HAPLN1: variants seen among roughly 807,000 people sequenced by gnomAD.
The protein encoded by HAPLN1 is Cartilage link protein.
Under a neutral mutation model 36.5 loss-of-function variants are expected in HAPLN1, and 13 were observed. The observed-to-expected ratio is 0.36, with a 90% CI of 0.23 to 0.57. The LOEUF (loss-of-function observed/expected upper bound fraction) is 0.57, where lower values mean the gene tolerates loss of function less well. Ranked by LOEUF, HAPLN1 falls within the 20% of genes least tolerant of loss-of-function variation. The probability of loss-of-function intolerance (pLI) is 0.83; values close to 1 mark genes in which losing one functional copy is unlikely to be tolerated. For synonymous variants in HAPLN1, 202 were observed against 169.8 expected, an observed-to-expected ratio of 1.19 and a Z score of -1.48; for missense variants, 407 against 439.7, an observed-to-expected ratio of 0.93 and a Z score of 0.66.
chr5:83,661,538 G>T (rs1258580604), intron 2 of HAPLN1, among the ~76,000 whole-genome samples: 2 of 135,836 alleles, frequency 1.5e-5, no homozygotes, highest in East Asian at 4.6e-4. Context: ...TCTGCCTCCC[G>T]GGTTCACGCC....
intron 2 of HAPLN1, among the ~76,000 whole-genome samples, chr5:83,666,504 T>G (rs943690578): frequency 6.6e-6 from 1 of 152,124 alleles, no homozygotes; most frequent in Non-Finnish European, 1.5e-5. Flanking sequence ...CTGCAAAGAT[T>G]ATTCAATATA....
chr5:83,704,598 T>G lies in HAPLN1; in HGVS notation c.-27+16191A>C, dbSNP rs115891519. On this transcript the variant is annotated intron_variant, in intron 1 of 4. Coordinates refer to ENST00000274341, the MANE Select transcript of HAPLN1 (RefSeq NM_001884.4). ...ATGGAAACCAGAAAAAAGCAGGAGCTGCAATCCTAATTTTGGAACAACAGA... is the reference window on the plus strand; with the variant it reads ...ATGGAAACCAGAAAAAAGCAGGAGCGGCAATCCTAATTTTGGAACAACAGA... Among the ~76,000 whole-genome samples the G allele has an allele frequency of 9.4e-3, 1,434 of 152,282 alleles. 8 individuals carry two copies. Among genetic ancestry groups the G allele is most frequent in the Non-Finnish European group, 0.016 (1,080 of 68,010 alleles).
chr5:83,689,170 A>C (rs1375164921), intron 1 of HAPLN1, among the ~76,000 whole-genome samples: 1 of 152,070 alleles, frequency 6.6e-6, no homozygotes, highest in East Asian at 1.9e-4. Flanking sequence ...TCCATTTTTC[A>C]TGATAAAATT....
intron 1 of HAPLN1, among the ~76,000 whole-genome samples, chr5:83,676,695 A>C (rs1750868059): frequency 6.6e-6 from 1 of 152,144 alleles, no homozygotes; most frequent in Non-Finnish European, 1.5e-5. Flanking sequence ...TTAGGTAAAA[A>C]TTTGCAGTTT....
At chr5:83,718,364 G>T (rs1255850661) in intron 1 of HAPLN1, among the ~76,000 whole-genome samples, 1 of 152,192 alleles carries the variant, frequency 6.6e-6, no homozygotes, top group Middle Eastern at 3.4e-3. Flanking sequence ...TTAAGAAGCC[G>T]GTGAGAAAGC....
chr5:83,697,686 C>T (rs971848017), intron 1 of HAPLN1, among the ~76,000 whole-genome samples: 1 of 152,136 alleles, frequency 6.6e-6, no homozygotes, highest in Non-Finnish European at 1.5e-5. Flanking sequence ...TCTCCACATC[C>T]TCACTGACAC....
chr5:83,708,495 A>G (rs1751702304), intron 1 of HAPLN1, among the ~76,000 whole-genome samples: 1 of 152,202 alleles, frequency 6.6e-6, no homozygotes, highest in African/African-American at 2.4e-5. Context: ...CTCACTTATA[A>G]GTAGGAGCTA....
At chr5:83,651,608 G>T (rs1750065386) in intron 3 of HAPLN1, among the ~76,000 whole-genome samples, 1 of 25,838 alleles carries the variant, frequency 3.9e-5, no homozygotes, top group Non-Finnish European at 7.2e-5. Flanking sequence ...TGTCCTCAGG[G>T]GTAAAAGGAG....
rs1226318331 is a variant in HAPLN1, at chr5:83,638,123, G to C, written c.*3373C>G. 1 of 151,514 alleles carries C rather than the reference G, an allele frequency of 6.6e-6. No individual in the cohort carries two copies. The highest frequency in any genetic ancestry group is 1.5e-5 in the Non-Finnish European group (1 of 67,826). The allele number at this position is 151,514 out of a possible 1,614,324, so 9.4% of individuals were successfully genotyped here. A position where few individuals can be genotyped will look rare whatever the true frequency, so the allele number is the denominator to read the frequency against. ...AAGAATGAATTAAATGCCTTTCTTG[G>C]AAATAATGTATTGACAGAGTTTGAC... On this transcript the variant is annotated 3_prime_UTR_variant, in exon 5 of 5. Transcript: ENST00000274341.
chr5:83,665,052 G>A (rs548125302), intron 2 of HAPLN1, among the ~76,000 whole-genome samples: 1 of 151,976 alleles, frequency 6.6e-6, no homozygotes, highest in South Asian at 2.1e-4. Flanking sequence ...TTTAAAACCT[G>A]ACAGCATAAT....
chr5:83,709,465 G>A (rs1178263373), intron 1 of HAPLN1, among the ~76,000 whole-genome samples: 1 of 151,968 alleles, frequency 6.6e-6, no homozygotes, highest in Non-Finnish European at 1.5e-5. Flanking sequence ...AGTATATTGG[G>A]TAATTTTATT....
chr5:83,668,124 G>T (rs1350403669), intron 2 of HAPLN1, among the ~76,000 whole-genome samples: 1 of 152,164 alleles, frequency 6.6e-6, no homozygotes, highest in Non-Finnish European at 1.5e-5. Flanking sequence ...TGTGCCAGTT[G>T]TTGGGTTTAT....
In HAPLN1 at chr5:83,687,687, A is replaced by G. The variant is rs553239827; in HGVS notation, c.-26-14138T>C. The stretch of plus-strand genomic sequence containing the variant: ...TATCTCCAGCACATATGCTGAAAAA[A>G]TTTCTTCATAACTGTTTTGCAAGTT... On this transcript the variant is annotated intron_variant, in intron 1 of 4. Coordinates refer to ENST00000274341, the MANE Select transcript of HAPLN1 (RefSeq NM_001884.4). 5.3e-5 allele frequency among the ~76,000 whole-genome samples: 8 copies of G among 152,324 alleles called. No homozygotes were observed. In the South Asian group the frequency reaches 1.7e-3, roughly 32 times the overall value.
chr5:83,657,844 T>C (rs926483791), intron 2 of HAPLN1, among the ~76,000 whole-genome samples: 6 of 150,934 alleles, frequency 4.0e-5, no homozygotes, highest in African/African-American at 1.5e-4. Context: ...GTATTTAAGA[T>C]GGCTAAATAA....
chr5:83,652,719 G>C lies in HAPLN1; in HGVS notation c.206C>G (p.Ala69Gly). 1 of 1,614,070 alleles carries C rather than the reference G, an allele frequency of 6.2e-7. No homozygotes were observed. Among genetic ancestry groups the C allele is most frequent in the South Asian group, 1.1e-5 (1 of 91,080 alleles). The change falls in exon 3 of 5, where the codon GCA becomes GGA. Residue 69 changes from alanine to glycine, a missense_variant. By Grantham distance (60) the Ala-to-Gly change is moderately conservative. Coordinates refer to ENST00000274341, the MANE Select transcript of HAPLN1 (RefSeq NM_001884.4). Reference protein sequence around the residue: ...LPCKFYRDPTAFGSGIHKIRI... With the variant: ...LPCKFYRDPTGFGSGIHKIRI... ...GATTTTATGGATTCCTGAGCCAAAT[G>C]CTGTAGGGTCTCGATAAAATTTACA... is the stretch of plus-strand genomic sequence containing the variant.
intron 2 of HAPLN1, among the ~76,000 whole-genome samples, chr5:83,665,185 A>G (rs923728274): frequency 1.3e-5 from 2 of 152,218 alleles, no homozygotes; most frequent in Admixed American, 1.3e-4. Flanking sequence ...AAAAGAAAAA[A>G]AAAGAGAATA....
intron 1 of HAPLN1, among the ~76,000 whole-genome samples, chr5:83,718,084 C>T (rs1242729769): frequency 6.6e-6 from 1 of 152,170 alleles, no homozygotes; most frequent in Admixed American, 6.5e-5. Flanking sequence ...AATTCCATGA[C>T]CTGTCTGTCT....
At chr5:83,718,759 A>T (rs1177725480) in intron 1 of HAPLN1, among the ~76,000 whole-genome samples, 1 of 152,252 alleles carries the variant, frequency 6.6e-6, no homozygotes, top group African/African-American at 2.4e-5. Flanking sequence ...TCAGAATTTT[A>T]ACTGGTGAGA....
intron 1 of HAPLN1, among the ~76,000 whole-genome samples, chr5:83,689,166 T>C (rs899826313): frequency 6.6e-6 from 1 of 152,118 alleles, no homozygotes. Context: ...AATTTCCATT[T>C]TTCATGATAA....
Sources: gnomAD v4.1 joint callset for allele counts (sites outside exome capture counted in the v4.1 genomes callset) on GRCh38, gnomAD v4.1.1 for gene constraint, MANE v1.5 for transcripts, NCBI Gene and HGNC (gene_info 2026-07-23, HGNC 2026-07-21) for gene names.